Variants in CTPS1 observed in about 807,000 individuals in gnomAD.
The protein encoded by CTPS1 is CTP synthase 1.
Under a neutral mutation model 80.5 loss-of-function variants are expected in CTPS1, and 25 were observed. That is an observed-to-expected ratio of 0.31 (90% confidence interval 0.23 to 0.43). CTPS1 has a LOEUF of 0.43. Ranked by LOEUF, CTPS1 falls within the 20% of genes least tolerant of loss-of-function variation. The pLI is 1.00. For missense variants in CTPS1, 442 were observed against 725.7 expected (o/e 0.61, Z 4.49); for synonymous variants, 267 against 252.5 (o/e 1.06, Z -0.54).
chr1:40,986,184 C>T (rs1277203697), intron 3 of CTPS1, among the ~76,000 whole-genome samples: 2 of 152,234 alleles, frequency 1.3e-5, no homozygotes, highest in Admixed American at 1.3e-4. Context: ...TGTGAAGAAA[C>T]CAAGTGGAGT....
intron 2 of CTPS1, among the ~76,000 whole-genome samples, 165 bp downstream of exon 2, chr1:40,983,621 T>TG (rs1051496681): frequency 9.6e-6 from 1 of 104,386 alleles, no homozygotes; most frequent in African/African-American, 3.0e-5. Flanking sequence ...GCAGAATTCT[T>TG]TTTTTTTTTT....
chr1:40,980,234 G>T (rs1214472039), intron 1 of CTPS1: 1 of 151,942 alleles, frequency 6.6e-6, no homozygotes, highest in Non-Finnish European at 1.5e-5. Flanking sequence ...CTCTTCGTCT[G>T]CGAGGAAGCC....
intron 6 of CTPS1, 32 bp from the exon 7 acceptor site, chr1:40,991,733 T>G: frequency 2.6e-6 from 4 of 1,520,162 alleles, no homozygotes; most frequent in Non-Finnish European, 3.6e-6. Context: ...ATTTTTTCCT[T>G]CTGTCTAAGC....
intron 5 of CTPS1, among the ~76,000 whole-genome samples, chr1:40,989,471 G>A (rs1258447684): frequency 6.6e-6 from 1 of 152,154 alleles, no homozygotes; most frequent in Admixed American, 6.6e-5. Context: ...ATTGTCTTCT[G>A]GGGTATGGAT....
chr1:41,002,274 A>C lies in CTPS1; in HGVS notation c.1189+20A>C. The stretch of plus-strand genomic sequence containing the variant: ...TTTTGGGTAAGGAGCTCTGCAGTGC[A>C]GTCTTCACTTAAGAGTAGGAAAGAG... On this transcript the variant is annotated intron_variant, in intron 11 of 18. Transcript: ENST00000650070. 6.2e-7 allele frequency: 1 copy of C among 1,600,510 alleles called. No individual in the cohort carries two copies. The highest frequency in any genetic ancestry group is 8.6e-7 in the Non-Finnish European group (1 of 1,167,808).
At chr1:40,986,383 G>T (rs1642453796) in intron 3 of CTPS1, among the ~76,000 whole-genome samples, 1 of 152,242 alleles carries the variant, frequency 6.6e-6, no homozygotes, top group African/African-American at 2.4e-5. Context: ...GTGACTGAGG[G>T]AGATGGTCAG....
chr1:40,983,170 G>A, intron 1 of CTPS1, 108 bp from the exon 2 acceptor site: 1 of 849,006 alleles, frequency 1.2e-6, no homozygotes, highest in East Asian at 2.7e-5. Context: ...AGAAACTGAG[G>A]CTTCAAGAGG....
In CTPS1 at chr1:40,984,864, C is replaced by A; in HGVS notation, c.210C>A (p.Asp70Glu). 1 of 1,594,368 alleles carries A rather than the reference C, an allele frequency of 6.3e-7. No homozygotes were observed. ...VLDDGGEVDLDLGNYERFLDI... is the reference protein window; with the variant it reads ...VLDDGGEVDLELGNYERFLDI... The stretch of plus-strand genomic sequence containing the variant: ...ATGATGGTGGGGAAGTAGACCTTGA[C>A]CTGGGTAACTATGAGCGGTTCCTTG... Residue 70 changes from aspartate to glutamate, a missense_variant, in exon 3 of 19, where the codon GAC (aspartate) becomes GAA (glutamate). By Grantham distance (45) the Asp-to-Glu change is conservative. This residue lies in a region of CTPS1 where 69 missense variants were observed against 102.1 expected (regional missense o/e 0.68). Transcript: ENST00000650070.
chr1:40,984,980 A>G lies in CTPS1; in HGVS notation c.326A>G (p.Lys109Arg), dbSNP rs751846370. The G allele has an allele frequency of 3.8e-6, 6 of 1,575,620 alleles. No individual in the cohort carries two copies. Among genetic ancestry groups the G allele is most frequent in the South Asian group, 3.5e-5 (3 of 86,242 alleles). The change falls in exon 3 of 19, where the codon AAA (lysine) becomes AGA (arginine). Residue 109 changes from lysine to arginine, a missense_variant. By Grantham distance (26) the Lys-to-Arg change is conservative (BLOSUM62 2). Transcript: ENST00000650070. ...GAACGGAAAGGAGATTACTTGGGGAAAACTGTCCAAGGTAATACTGGATTT... is the reference window on the plus strand; with the variant it reads ...GAACGGAAAGGAGATTACTTGGGGAGAACTGTCCAAGGTAATACTGGATTT... Reference protein sequence around the residue: ...NKERKGDYLGKTVQVVPHITD... With the variant: ...NKERKGDYLGRTVQVVPHITD...
rs773422236 is a variant in CTPS1, at chr1:41,010,252, A to G, written c.*7A>G. The G allele has an allele frequency of 1.1e-5, 17 of 1,602,910 alleles. No individual in the cohort carries two copies. The African/African-American group carries it at 2.0e-4, about 19-fold the overall frequency. On this transcript the variant is annotated splice_region_variant and 3_prime_UTR_variant, in exon 18 of 19. Coordinates refer to ENST00000650070, the MANE Select transcript of CTPS1 (RefSeq NM_001905.4). ...ATCAATAAATCATGACTGATCTTGT[A>G]GCGTAAGTGGTACTTTAAAGTTTTA...
At chr1:41,009,414 T>C (rs750229351) in intron 16 of CTPS1, 31 bp from the exon 17 acceptor site, 3 of 1,533,604 alleles carry the variant, frequency 2.0e-6, no homozygotes, top group East Asian at 2.3e-5. Flanking sequence ...ACCTTCACAA[T>C]GAAGCTGTTT....
chr1:41,004,010 C>T (rs1213313620), intron 12 of CTPS1: 1 of 152,254 alleles, frequency 6.6e-6, no homozygotes, highest in Non-Finnish European at 1.5e-5. Context: ...AAATGACAGG[C>T]CTGTTATGCA....
At chr1:41,005,269 A>AC (rs1455816343) in intron 12 of CTPS1, among the ~76,000 whole-genome samples, 1 of 151,540 alleles carries the variant, frequency 6.6e-6, no homozygotes, top group Non-Finnish European at 1.5e-5. Flanking sequence ...ACATGGAGAA[A>AC]CCCCGTCTCT....
At chr1:40,995,572 A>AT (rs1050503612) in intron 7 of CTPS1, among the ~76,000 whole-genome samples, 13 of 151,838 alleles carry the variant, frequency 8.6e-5, no homozygotes, top group South Asian at 2.1e-4. Flanking sequence ...TAAATTTTGT[A>AT]TTTTTTTGTA....
intron 8 of CTPS1, 102 bp from the exon 9 acceptor site, chr1:40,997,292 C>A: frequency 7.2e-7 from 1 of 1,397,062 alleles, no homozygotes; most frequent in South Asian, 1.4e-5. Flanking sequence ...GTGAGCTCAT[C>A]CTGGCCAGAC....
intron 9 of CTPS1, among the ~76,000 whole-genome samples, chr1:40,999,469 A>G (rs561260019): frequency 6.6e-6 from 1 of 152,320 alleles, no homozygotes; most frequent in Non-Finnish European, 1.5e-5. Context: ...TAGGTGATAA[A>G]CACGAAAAGG....
Position 40,988,647 on chromosome 1 carries a change from T to C in CTPS1, c.492T>C (p.Arg164=), listed in dbSNP as rs1458383766. 6 of 1,614,030 alleles carry C rather than the reference T, an allele frequency of 3.7e-6. No homozygotes were observed. Among genetic ancestry groups the C allele is most frequent in the African/African-American group, 2.7e-5 (2 of 74,930 alleles). The part of the protein sequence containing the change: ...IESMPFIEAF[R]QFQFKVKREN... ...GCATGCCCTTTATTGAGGCCTTCCG[T>C]CAGTTCCAATTCAAGGTCAAAAGAG... Residue 164 remains arginine (R), a synonymous_variant, in exon 5 of 19, where the codon CGT becomes CGC. Transcript: ENST00000650070.
intron 11 of CTPS1, 62 bp from the exon 12 acceptor site, chr1:41,003,052 T>C: frequency 1.3e-6 from 2 of 1,562,440 alleles, no homozygotes; most frequent in Non-Finnish European, 1.8e-6. Flanking sequence ...CAGAGGCTGC[T>C]GGGAAAAGTA....
At chr1:40,997,346 G>T in intron 8 of CTPS1, 48 bp from the exon 9 acceptor site, 1 of 1,593,980 alleles carries the variant, frequency 6.3e-7, no homozygotes, top group African/African-American at 1.3e-5. Flanking sequence ...TCTCATGATA[G>T]CGTGTACCTT....
Sources: allele counts gnomAD v4.1 joint callset (sites outside exome capture counted in the v4.1 genomes callset), GRCh38; gene constraint gnomAD v4.1.1; regional missense constraint gnomAD v4.1.1; transcripts MANE v1.5; gene names NCBI Gene and HGNC (gene_info 2026-07-23, HGNC 2026-07-21).